The following CFAP54 variants were observed in gnomAD, a reference collection of about 807,000 sequenced individuals.
CFAP54 encodes the protein cilia- and flagella-associated protein 54.
A neutral mutation model predicts 370.4 loss-of-function variants in CFAP54; 290 were observed. That is an observed-to-expected ratio of 0.78 (90% CI 0.71 to 0.86). CFAP54 has a LOEUF of 0.86. CFAP54 is among the 40% of genes least tolerant of loss of function. The pLI, the probability that CFAP54 is intolerant of heterozygous loss-of-function variation, is 0.00. For synonymous variants in CFAP54, 1,206 were observed against 1,236.5 expected, an observed-to-expected ratio of 0.98 and a Z score of 0.52; for missense variants, 3,399 against 3,528.7, an observed-to-expected ratio of 0.96 and a Z score of 0.93.
At chr12:96,539,567 C>G (rs1262062204) in intron 13 of CFAP54, among the ~76,000 whole-genome samples, 1 of 152,002 alleles carries the variant, frequency 6.6e-6, no homozygotes, top group Non-Finnish European at 1.5e-5. Flanking sequence ...CCCAGCTACT[C>G]AGTAGGCTGA....
chr12:96,539,273 C>G (rs1284960285), intron 13 of CFAP54, among the ~76,000 whole-genome samples: 1 of 151,618 alleles, frequency 6.6e-6, no homozygotes, highest in Non-Finnish European at 1.5e-5. Context: ...CTTGGCCAGG[C>G]TGGTCTTGAA....
rs531428073 is a variant in CFAP54, at chr12:96,807,386, G to A, written c.8851-4350G>A. ...CCATATGCCAGGTATTTTCTTAGGT[G>A]ATTAAGATACAAAGATGAGGAAGTC... On this transcript the variant is annotated intron_variant, in intron 63 of 67. Transcript: ENST00000524981. Among the ~76,000 whole-genome samples the A allele has an allele frequency of 2.6e-5, 4 of 152,258 alleles. No homozygotes were observed. In the South Asian group the frequency reaches 8.3e-4, roughly 32 times the overall value.
At position 96,752,085 on chromosome 12, in the gene CFAP54, TGAGAGAGAGAGAGAGA is replaced by T. The variant is rs55648812; in HGVS notation, c.7685-1625_7685-1610del. 2.3e-3 allele frequency among the ~76,000 whole-genome samples: 206 copies of T among 90,626 alleles called. 1 individual carries two copies. Among genetic ancestry groups the T allele is most frequent in the African/African-American group, 7.4e-3 (190 of 25,718 alleles). 59.5% of individuals were successfully genotyped at this position (90,626 alleles called of 152,430 possible). ...AAGGACTCAGTAACTTCTTCCTGGA[TGAGAGAGAGAGAGAGA>T]GAGAGAGAGAGAGAGAGAGAGAGAG... On this transcript the variant is annotated intron_variant, in intron 55 of 67. Transcript: ENST00000524981.
chr12:96,531,817 TG>T (rs1291607612), intron 9 of CFAP54, among the ~76,000 whole-genome samples: 3 of 152,198 alleles, frequency 2.0e-5, no homozygotes, highest in Non-Finnish European at 4.4e-5. Flanking sequence ...CTCTGCCTCC[TG>T]GGTTCAAACG....
chr12:96,611,983 C>T (rs530373971), intron 26 of CFAP54, among the ~76,000 whole-genome samples: 25 of 152,256 alleles, frequency 1.6e-4, no homozygotes, highest in South Asian at 6.2e-4. Flanking sequence ...GGATATTATC[C>T]GGGAGAACTT....
rs534298936 is a variant in CFAP54 at position 96,875,328 on chromosome 12, C to G, written c.*225C>G. On this transcript the variant is annotated 3_prime_UTR_variant, in exon 68 of 68. Transcript: ENST00000524981. ...CTCTAGATATTGCTTTGAGATTTCG[C>G]TGTTGATCAACTGGCCTGCTGCAGC... The G allele has an allele frequency of 6.6e-6, 1 of 152,274 alleles. No homozygotes were observed. The highest frequency in any genetic ancestry group is 6.5e-5 in the Admixed American group (1 of 15,304). The allele number at this position is 152,274 out of a possible 1,614,324, so 9.4% of individuals were successfully genotyped here.
chr12:96,528,120 A>T (rs1476052149), intron 9 of CFAP54, among the ~76,000 whole-genome samples: 1 of 152,088 alleles, frequency 6.6e-6, no homozygotes, highest in African/African-American at 2.4e-5. Flanking sequence ...TTTTTTCCTC[A>T]GTTGGAAAGC....
intron 5 of CFAP54, among the ~76,000 whole-genome samples, chr12:96,516,368 C>T (rs557701071): frequency 2.3e-4 from 32 of 139,916 alleles, no homozygotes; most frequent in Admixed American, 2.1e-3. Context: ...AATAGAATCC[C>T]GTCATGACCC....
intron 66 of CFAP54, among the ~76,000 whole-genome samples, chr12:96,846,956 C>T (rs1959373232): frequency 1.3e-5 from 2 of 152,134 alleles, no homozygotes; most frequent in South Asian, 4.1e-4. Flanking sequence ...AGAGTTTGCA[C>T]AGACCCCACA....
In CFAP54 at chr12:96,489,933, G is replaced by A. The variant is rs1281597689; in HGVS notation, c.317+7G>A. 5 of 1,528,916 alleles carry A rather than the reference G, an allele frequency of 3.3e-6. No individual in the cohort carries two copies. The highest frequency in any genetic ancestry group is 1.4e-5 in the African/African-American group (1 of 72,606). 94.7% of individuals were successfully genotyped at this position (1,528,916 alleles called of 1,614,324 possible). A position where few individuals can be genotyped will look rare whatever the true frequency, so the allele number is the denominator to read the frequency against. On this transcript the variant is annotated splice_region_variant and intron_variant, in intron 1 of 67. Transcript: ENST00000524981. The stretch of plus-strand genomic sequence containing the variant: ...ACGAATTCCGCCGGCGTTGGTAAGC[G>A]CTGGCGGGGCACTGGGGAGGGCGCC...
intron 9 of CFAP54, among the ~76,000 whole-genome samples, chr12:96,529,072 T>A (rs1955413273): frequency 6.6e-6 from 1 of 152,184 alleles, no homozygotes; most frequent in Admixed American, 6.5e-5. Flanking sequence ...CTAATTATCT[T>A]TTGGTTACTG....
At chr12:96,727,872 G>A (rs1483499951) in intron 50 of CFAP54, among the ~76,000 whole-genome samples, 80 of 151,434 alleles carry the variant, frequency 5.3e-4, no homozygotes, top group Non-Finnish European at 8.1e-4. Context: ...GGCAGGCCTG[G>A]TGGTGACAAA....
At position 96,610,792 on chromosome 12, in the gene CFAP54, A is replaced by T. The variant is rs187335154; in HGVS notation, c.3640-10798A>T. Among the ~76,000 whole-genome samples, 23 of 152,334 alleles carry T rather than the reference A, an allele frequency of 1.5e-4. No homozygotes were observed. The East Asian group carries it at 4.1e-3, about 27-fold the overall frequency. On this transcript the variant is annotated intron_variant, in intron 26 of 67. Transcript: ENST00000524981. ...CGGCCACAGAGCCTCACTCATTGCT[A>T]GCACAGCAGTCTGAGACCGAGCTGC...
chr12:96,597,615 A>G (rs1956193349), intron 25 of CFAP54, among the ~76,000 whole-genome samples: 1 of 151,900 alleles, frequency 6.6e-6, no homozygotes, highest in Non-Finnish European at 1.5e-5. Flanking sequence ...TTATGCAGCC[A>G]TTAGAAACAA....
At chr12:96,496,166 A>G (rs1480029123) in intron 1 of CFAP54, among the ~76,000 whole-genome samples, 1 of 152,184 alleles carries the variant, frequency 6.6e-6, no homozygotes, top group Non-Finnish European at 1.5e-5. Flanking sequence ...TCAGTTTGTG[A>G]AGGAGGAATG....
chr12:96,839,022 T>G (rs1404844988), intron 66 of CFAP54, among the ~76,000 whole-genome samples: 1 of 152,194 alleles, frequency 6.6e-6, no homozygotes. Flanking sequence ...AGATTCTTGC[T>G]CATTCAAATG....
intron 65 of CFAP54, among the ~76,000 whole-genome samples, chr12:96,826,771 T>C (rs1959114506): frequency 8.9e-6 from 1 of 112,006 alleles, no homozygotes; most frequent in Non-Finnish European, 1.6e-5. Context: ...TAATATATTA[T>C]ATAATATATA....
At chr12:96,541,040 A>G (rs746828532) in intron 14 of CFAP54, 53 bp downstream of exon 14, 111 of 1,170,296 alleles carry the variant, frequency 9.5e-5, no homozygotes, top group Non-Finnish European at 1.9e-5. Context: ...ATATATAGGT[A>G]TGATATCAAA....
intron 60 of CFAP54, among the ~76,000 whole-genome samples, chr12:96,770,021 A>G (rs1246173234): frequency 1.3e-5 from 2 of 152,182 alleles, no homozygotes; most frequent in Non-Finnish European, 2.9e-5. Context: ...AACTAATTAA[A>G]AAGTGGGATG....
Sources: allele counts gnomAD v4.1 joint callset (sites outside exome capture counted in the v4.1 genomes callset), GRCh38; gene constraint gnomAD v4.1.1; transcripts MANE v1.5; gene names NCBI Gene and HGNC (gene_info 2026-07-23, HGNC 2026-07-21).